Variants in CFAP299 observed in about 807,000 individuals in gnomAD.
CFAP299 encodes the protein cilia and flagella associated protein 299.
CFAP299 carries 21 observed loss-of-function variants against 27.0 expected under a neutral mutation model. That is an observed-to-expected ratio of 0.78 (90% CI 0.55 to 1.12). CFAP299 has a LOEUF of 1.12. Among genes scored for constraint, CFAP299 ranks in the 50% most tolerant of loss-of-function variants. The pLI, the probability that CFAP299 is intolerant of heterozygous loss-of-function variation, is 0.00. For synonymous variants in CFAP299, 104 were observed against 98.1 expected, an observed-to-expected ratio of 1.06 and a Z score of -0.36; for missense variants, 310 against 276.6, an observed-to-expected ratio of 1.12 and a Z score of -0.86.
At chr4:80,435,299 T>C (rs1203569864) in intron 2 of CFAP299, among the ~76,000 whole-genome samples, 1 of 152,184 alleles carries the variant, frequency 6.6e-6, no homozygotes, top group Non-Finnish European at 1.5e-5. Flanking sequence ...TGAATGTATC[T>C]TCCATCCAGA....
At chr4:80,708,561 A>C (rs766354899) in intron 3 of CFAP299, among the ~76,000 whole-genome samples, 6 of 152,142 alleles carry the variant, frequency 3.9e-5, no homozygotes, top group Non-Finnish European at 5.9e-5. Flanking sequence ...TGCTAAGATT[A>C]TATTTTAAGC....
intron 2 of CFAP299, among the ~76,000 whole-genome samples, chr4:80,402,415 A>T (rs951397154): frequency 1.3e-5 from 2 of 152,142 alleles, no homozygotes; most frequent in African/African-American, 2.4e-5. Flanking sequence ...TTCTCATGAT[A>T]GCGAATAAGT....
At chr4:80,942,924 A>T (rs1373642520) in intron 4 of CFAP299, among the ~76,000 whole-genome samples, 8 of 152,332 alleles carry the variant, frequency 5.3e-5, no homozygotes, top group Non-Finnish European at 1.0e-4. Context: ...TGAATTAGAA[A>T]ATCCAGCTTG....
chr4:80,614,662 C>T (rs900169380), intron 3 of CFAP299, among the ~76,000 whole-genome samples: 3 of 152,126 alleles, frequency 2.0e-5, no homozygotes, highest in African/African-American at 7.2e-5. Flanking sequence ...ATTCCTTTCC[C>T]TCTTTTGTTT....
intron 5 of CFAP299, among the ~76,000 whole-genome samples, chr4:80,946,092 C>T (rs911638532): frequency 2.1e-4 from 30 of 141,316 alleles, no homozygotes; most frequent in African/African-American, 8.0e-4. Context: ...GGCAGAACTC[C>T]GTCTCAAAAA....
intron 3 of CFAP299, among the ~76,000 whole-genome samples, chr4:80,818,623 T>C (rs1277729942): frequency 1.3e-5 from 2 of 152,102 alleles, no homozygotes; most frequent in Admixed American, 6.6e-5. Context: ...CAAAAAGTCA[T>C]CAAACCCCCT....
intron 4 of CFAP299, among the ~76,000 whole-genome samples, chr4:80,913,547 G>A (rs1282126668): frequency 6.6e-6 from 1 of 152,176 alleles, no homozygotes; most frequent in Non-Finnish European, 1.5e-5. Context: ...ATCCAGTTTG[G>A]TGGTGTGAAC....
intron 3 of CFAP299, among the ~76,000 whole-genome samples, chr4:80,607,502 G>A (rs1262321571): frequency 6.6e-6 from 1 of 151,924 alleles, no homozygotes; most frequent in African/African-American, 2.4e-5. Flanking sequence ...GAGAAGGGAG[G>A]AAATGAGGGA....
intron 2 of CFAP299, among the ~76,000 whole-genome samples, chr4:80,435,975 G>T (rs995820540): frequency 6.6e-6 from 1 of 152,186 alleles, no homozygotes; most frequent in Non-Finnish European, 1.5e-5. Flanking sequence ...ATCACCAGAT[G>T]AGAGGGACTT....
intron 4 of CFAP299, among the ~76,000 whole-genome samples, chr4:80,888,245 A>T (rs1449972016): frequency 1.3e-5 from 2 of 152,056 alleles, no homozygotes; most frequent in African/African-American, 4.8e-5. Flanking sequence ...CAAGAAACAC[A>T]CTTCACATAC....
chr4:80,759,569 T>A (rs950916230), intron 3 of CFAP299, among the ~76,000 whole-genome samples: 1 of 152,210 alleles, frequency 6.6e-6, no homozygotes, highest in African/African-American at 2.4e-5. Flanking sequence ...CTCACCTATG[T>A]TAAGAAATGG....
chr4:80,617,853 C>A (rs565396257), intron 3 of CFAP299, among the ~76,000 whole-genome samples: 1 of 151,894 alleles, frequency 6.6e-6, no homozygotes, highest in Non-Finnish European at 1.5e-5. Context: ...GAGGAAGGAG[C>A]CATTTGAAAT....
At chr4:80,771,562 G>A (rs1040743229) in intron 3 of CFAP299, among the ~76,000 whole-genome samples, 4 of 152,120 alleles carry the variant, frequency 2.6e-5, no homozygotes, top group African/African-American at 9.7e-5. Context: ...AAATGGTAAA[G>A]TTCCACTGGT....
chr4:80,668,872 A>G (rs909534753), intron 3 of CFAP299, among the ~76,000 whole-genome samples: 6 of 152,140 alleles, frequency 3.9e-5, no homozygotes, highest in African/African-American at 1.4e-4. Flanking sequence ...TTTTTTTGAT[A>G]GGGATTGCAC....
At chr4:80,904,120 G>A (rs1291280668) in intron 4 of CFAP299, among the ~76,000 whole-genome samples, 2 of 152,156 alleles carry the variant, frequency 1.3e-5, no homozygotes, top group Non-Finnish European at 2.9e-5. Context: ...TTCCAGTTGT[G>A]AGTGTATTAT....
chr4:80,563,046 T>G (rs1735117373), intron 2 of CFAP299, among the ~76,000 whole-genome samples: 1 of 152,004 alleles, frequency 6.6e-6, no homozygotes, highest in Non-Finnish European at 1.5e-5. Context: ...CACCTAGATA[T>G]GTAAAGGAAA....
rs115952742 is a variant in CFAP299, at chr4:80,640,617, C to T, written c.333+57434C>T. On this transcript the variant is annotated intron_variant, in intron 3 of 5. Transcript: ENST00000358105. ...ATATAATCTTGTTTCAGAATTAGTCCTGGGAATTTCATAATTCCCCCAAAG... is the reference window on the plus strand; with the variant it reads ...ATATAATCTTGTTTCAGAATTAGTCTTGGGAATTTCATAATTCCCCCAAAG... 6.7e-3 allele frequency among the ~76,000 whole-genome samples: 1,027 copies of T among 152,266 alleles called. 13 individuals carry two copies. The highest frequency in any genetic ancestry group is 0.024 in the African/African-American group (977 of 41,548).
intron 3 of CFAP299, among the ~76,000 whole-genome samples, chr4:80,593,124 A>G (rs1286159380): frequency 6.6e-6 from 1 of 152,126 alleles, no homozygotes; most frequent in Non-Finnish European, 1.5e-5. Context: ...TGTTCTGTGT[A>G]TATATTGGCA....
intron 4 of CFAP299, among the ~76,000 whole-genome samples, chr4:80,939,201 A>G (rs566206133): frequency 2.0e-5 from 3 of 152,186 alleles, no homozygotes; most frequent in East Asian, 3.9e-4. Context: ...ATGGATTTGG[A>G]TGTTCATTTT....
Sources: gnomAD v4.1 joint callset for allele counts (sites outside exome capture counted in the v4.1 genomes callset) on GRCh38, gnomAD v4.1.1 for gene constraint, MANE v1.5 for transcripts, NCBI Gene and HGNC (gene_info 2026-07-23, HGNC 2026-07-21) for gene names.